The following RABGAP1 variants were observed in gnomAD, a reference collection of about 807,000 sequenced individuals.
The protein encoded by RABGAP1 is RAB GTPase activating protein 1, also known as rab GTPase-activating protein 1.
RABGAP1 carries 23 observed loss-of-function variants against 137.6 expected under a neutral mutation model. The observed-to-expected ratio is 0.17, with a 90% CI of 0.12 to 0.24. RABGAP1 has a LOEUF of 0.24. Ranked by LOEUF, RABGAP1 falls within the 10% of genes least tolerant of loss-of-function variation. The probability of loss-of-function intolerance (pLI) is 1.00; values close to 1 mark genes in which losing one functional copy is unlikely to be tolerated. For synonymous variants in RABGAP1, 451 were observed against 450.7 expected (o/e 1.00, Z -0.01); for missense variants, 906 against 1,275.8 (o/e 0.71, Z 4.42).
intron 1 of RABGAP1, among the ~76,000 whole-genome samples, chr9:122,944,155 G>A (rs1032249321): frequency 2.0e-5 from 3 of 151,840 alleles, no homozygotes; most frequent in African/African-American, 4.8e-5. Flanking sequence ...TGCCCATAAT[G>A]TTATCTTTGT....
intron 19 of RABGAP1, among the ~76,000 whole-genome samples, chr9:123,084,072 G>C (rs1342447010): frequency 6.6e-6 from 1 of 152,180 alleles, no homozygotes; most frequent in African/African-American, 2.4e-5. Context: ...CTATGATACG[G>C]TATGATGTGA....
At chr9:123,001,850 A>G (rs1016163960) in intron 10 of RABGAP1, among the ~76,000 whole-genome samples, 8 of 152,214 alleles carry the variant, frequency 5.3e-5, no homozygotes, top group Non-Finnish European at 8.8e-5. Flanking sequence ...TATTATTGAG[A>G]AGGATTATAC....
Position 123,034,879 on chromosome 9 carries a change from T to C in RABGAP1, c.1794+14420T>C, listed in dbSNP as rs1377662627. On this transcript the variant is annotated intron_variant, in intron 13 of 25. Transcript: ENST00000373647. ...AGAGGAGTCCTTGACTTGCCAGATATTTGGTTTTGTAGTATCAGTTCTGAA... is the reference window on the plus strand; with the variant it reads ...AGAGGAGTCCTTGACTTGCCAGATACTTGGTTTTGTAGTATCAGTTCTGAA... The C allele has an allele frequency of 8.1e-6, 13 of 1,613,864 alleles. No homozygotes were observed. Among genetic ancestry groups the C allele is most frequent in the African/African-American group, 5.3e-5 (4 of 74,914 alleles).
At chr9:123,065,734 G>T (rs1410994705) in intron 14 of RABGAP1, 1 of 391,720 alleles carries the variant, frequency 2.6e-6, no homozygotes, top group African/African-American at 2.1e-5. Flanking sequence ...TTCAAAATTT[G>T]TTTTTATGTT....
chr9:123,096,032 TCTGTTGTGAGTGGAGTGTA>T (rs1268464122), intron 21 of RABGAP1, among the ~76,000 whole-genome samples: 1 of 152,220 alleles, frequency 6.6e-6, no homozygotes, highest in African/African-American at 2.4e-5. Flanking sequence ...GTATGTATGT[TCTGTTGTGAGTGGAGTGTA>T]CTGTGTCAAT....
At chr9:123,089,433 A>G (rs952530734) in intron 19 of RABGAP1, 2 of 231,626 alleles carry the variant, frequency 8.6e-6, no homozygotes, top group Non-Finnish European at 8.6e-6. Context: ...GCACTGGTAT[A>G]TGCTAAATAA....
intron 15 of RABGAP1, among the ~76,000 whole-genome samples, chr9:123,072,711 A>G (rs910075448): frequency 6.6e-6 from 1 of 152,184 alleles, no homozygotes; most frequent in Admixed American, 6.5e-5. Context: ...ATGATCTGCT[A>G]TGCTTTTCTC....
intron 13 of RABGAP1, 52 bp from the exon 14 acceptor site, chr9:123,065,296 G>C: frequency 7.6e-7 from 1 of 1,307,492 alleles, no homozygotes; most frequent in South Asian, 1.3e-5. Context: ...ACCTGAATAA[G>C]AGTTTACATG....
intron 4 of RABGAP1, among the ~76,000 whole-genome samples, chr9:122,986,651 A>G (rs1836386779): frequency 1.3e-5 from 2 of 152,134 alleles, no homozygotes; most frequent in African/African-American, 4.8e-5. Context: ...TAGGCATTTA[A>G]TGTTTTGGGG....
intron 13 of RABGAP1, among the ~76,000 whole-genome samples, chr9:123,040,245 G>GT (rs1361800220): frequency 6.6e-6 from 1 of 152,128 alleles, no homozygotes; most frequent in Non-Finnish European, 1.5e-5. Context: ...CCACAGCACT[G>GT]TTTTTTGTGG....
intron 19 of RABGAP1, 165 bp from the exon 20 acceptor site, chr9:123,089,593 G>A (rs946857963): frequency 5.2e-6 from 3 of 581,174 alleles, no homozygotes; most frequent in Non-Finnish European, 9.1e-6. Flanking sequence ...TGGGGTCCTG[G>A]GCTTATACCC....
In RABGAP1 at chr9:122,957,206, C is replaced by G. The variant is rs1213021337; in HGVS notation, c.147C>G (p.Leu49=). The part of the protein sequence containing the change: ...NNGSDDEKTG[L]KIVGNGSEQQ... The stretch of plus-strand genomic sequence containing the variant: ...GAAGTGATGATGAGAAAACAGGACT[C>G]AAGGTAAAACTCCCTAACCTAAGAT... The change falls in exon 2 of 26, where the codon CTC becomes CTG. Residue 49 remains leucine, a synonymous_variant. Transcript: ENST00000373647. 6 of 1,517,374 alleles carry G rather than the reference C, an allele frequency of 4.0e-6. No homozygotes were observed. The highest frequency in any genetic ancestry group is 3.4e-5 in the Admixed American group (2 of 58,334). 94.0% of individuals were successfully genotyped at this position (1,517,374 alleles called of 1,614,324 possible).
intron 13 of RABGAP1, among the ~76,000 whole-genome samples, chr9:123,053,249 A>T (rs1306993600): frequency 3.9e-5 from 6 of 152,200 alleles, no homozygotes; most frequent in Non-Finnish European, 7.3e-5. Flanking sequence ...CTTTTGTAGG[A>T]CCATCTTGGT....
At chr9:123,043,172 A>T (rs2033034763) in intron 13 of RABGAP1, among the ~76,000 whole-genome samples, 2 of 152,204 alleles carry the variant, frequency 1.3e-5, no homozygotes, top group Non-Finnish European at 2.9e-5. Context: ...TTACTGAAGG[A>T]TATGCTTCTC....
chr9:123,099,583 C>G (rs746590626), intron 24 of RABGAP1, 34 bp downstream of exon 24: 3 of 1,535,936 alleles, frequency 2.0e-6, no homozygotes, highest in Non-Finnish European at 2.7e-6. Context: ...GATTTTATAC[C>G]ACCTACTTCA....
At chr9:123,066,559 G>T (rs142077383) in intron 14 of RABGAP1, among the ~76,000 whole-genome samples, 19 of 152,266 alleles carry the variant, frequency 1.2e-4, no homozygotes, top group Admixed American at 9.1e-4. Flanking sequence ...TCCCTCTCAT[G>T]CCTTCACTGA....
chr9:122,937,177 TAAAC>T (rs1356310299), upstream of RABGAP1, among the ~76,000 whole-genome samples: 2 of 152,140 alleles, frequency 1.3e-5, no homozygotes, highest in East Asian at 3.8e-4. Context: ...GACATACAAA[TAAAC>T]AGGAAAGTAT....
intron 13 of RABGAP1, chr9:123,034,738 T>C: frequency 6.2e-7 from 1 of 1,613,906 alleles, no homozygotes; most frequent in Non-Finnish European, 8.5e-7. Context: ...CTGTGCACCT[T>C]TGTTGAACCA....
chr9:123,001,827 A>G (rs1049839053), intron 10 of RABGAP1, among the ~76,000 whole-genome samples: 5 of 152,188 alleles, frequency 3.3e-5, no homozygotes, highest in Non-Finnish European at 7.3e-5. Flanking sequence ...AGTTCTCCCT[A>G]CGTATTTGCT....
Sources: allele counts gnomAD v4.1 joint callset (sites outside exome capture counted in the v4.1 genomes callset), GRCh38; gene constraint gnomAD v4.1.1; transcripts MANE v1.5; gene names NCBI Gene and HGNC (gene_info 2026-07-23, HGNC 2026-07-21).